The following TTC7B variants were observed in gnomAD, a reference collection of about 807,000 sequenced individuals.
TTC7B encodes the protein tetratricopeptide repeat protein 7B.
In TTC7B, 28 loss-of-function variants were observed where a neutral mutation model predicts 106.8. The ratio of observed to expected loss-of-function variants is 0.26; its 90% CI spans 0.19 to 0.36. The LOEUF (loss-of-function observed/expected upper bound fraction) is 0.36, where lower values mean the gene tolerates loss of function less well. Among genes scored for constraint, TTC7B ranks in the 10% least tolerant of loss-of-function variants. The pLI is 1.00. For missense variants in TTC7B, 862 were observed against 1,076.4 expected, an observed-to-expected ratio of 0.80 and a Z score of 2.79; for synonymous variants, 405 against 430.6, an observed-to-expected ratio of 0.94 and a Z score of 0.74.
At chr14:90,814,776 G>T (rs527528983) in intron 1 of TTC7B, among the ~76,000 whole-genome samples, 1 of 152,248 alleles carries the variant, frequency 6.6e-6, no homozygotes, top group African/African-American at 2.4e-5. Flanking sequence ...TGCCTCTGGG[G>T]CCCAGGGCAC....
intron 5 of TTC7B, among the ~76,000 whole-genome samples, chr14:90,704,715 G>A (rs760735312): frequency 3.9e-5 from 6 of 152,210 alleles, no homozygotes; most frequent in East Asian, 1.9e-4. Context: ...ATGCTGAGGC[G>A]TCTGAGCTTC....
intron 18 of TTC7B, among the ~76,000 whole-genome samples, chr14:90,587,162 G>C (rs1595181564): frequency 6.6e-6 from 1 of 152,126 alleles, no homozygotes. Context: ...TTTTTCCGGA[G>C]AGGGGTCTTG....
chr14:90,589,822 G>T (rs1891876980), intron 18 of TTC7B, among the ~76,000 whole-genome samples: 1 of 152,170 alleles, frequency 6.6e-6, no homozygotes, highest in African/African-American at 2.4e-5. Context: ...AGTCAACATG[G>T]CACAAATTGC....
chr14:90,565,325 T>C (rs1341689287), intron 19 of TTC7B, among the ~76,000 whole-genome samples: 1 of 151,930 alleles, frequency 6.6e-6, no homozygotes, highest in Non-Finnish European at 1.5e-5. Context: ...CTTGGCTAAC[T>C]GGTGCAAGAG....
In TTC7B at chr14:90,689,593, T is replaced by C. The variant is rs1251707876; in HGVS notation, c.897A>G (p.Ala299=). The part of the protein sequence containing the change: ...SPLDDPLRKG[A]NTKTYTLTRR... Reference sequence around the variant, plus strand: ...GAGTGAGAGTGTAGGTTTTTGTGTTTGCTCCTTTGCGGAGAGGATCGTCCA... The same window carrying C: ...GAGTGAGAGTGTAGGTTTTTGTGTTCGCTCCTTTGCGGAGAGGATCGTCCA... Residue 299 remains alanine, a synonymous_variant, in exon 7 of 20, where the codon GCA becomes GCG. Transcript: ENST00000328459. 6.2e-7 allele frequency: 1 copy of C among 1,614,054 alleles called. No individual in the cohort carries two copies. Among genetic ancestry groups the C allele is most frequent in the Non-Finnish European group, 8.5e-7 (1 of 1,180,014 alleles).
intron 2 of TTC7B, 40 bp from the exon 3 acceptor site, chr14:90,780,946 A>G: frequency 6.3e-7 from 1 of 1,591,638 alleles, no homozygotes; most frequent in Non-Finnish European, 8.6e-7. Context: ...TTTTCCTACA[A>G]TATCAGGCAT....
At chr14:90,543,842 T>TCA (rs1482558361) in intron 19 of TTC7B, among the ~76,000 whole-genome samples, 3 of 152,224 alleles carry the variant, frequency 2.0e-5, no homozygotes, top group African/African-American at 7.2e-5. Flanking sequence ...CCCAGCCTGC[T>TCA]CACAGGCCCC....
intron 3 of TTC7B, 36 bp from the exon 4 acceptor site, chr14:90,744,958 T>G (rs1486676218): frequency 6.8e-6 from 11 of 1,609,606 alleles, no homozygotes; most frequent in Non-Finnish European, 8.5e-6. Flanking sequence ...CTGAGTGAAT[T>G]TTTTTTCATA....
intron 15 of TTC7B, among the ~76,000 whole-genome samples, chr14:90,625,125 C>A (rs1006706068): frequency 6.6e-6 from 1 of 152,132 alleles, no homozygotes; most frequent in African/African-American, 2.4e-5. Context: ...CTGAAGGGGG[C>A]AGGGGGCAAG....
chr14:90,602,365 C>G lies in TTC7B; in HGVS notation c.1966+8377G>C, dbSNP rs569049415. 7.2e-5 allele frequency among the ~76,000 whole-genome samples: 11 copies of G among 152,336 alleles called. No individual in the cohort carries two copies. In the South Asian group the frequency reaches 2.3e-3, roughly 32 times the overall value. Reference sequence around the variant, plus strand: ...GAGAATCAGTGGTCTAAGAAACATCCTTTGGCAGATGTGACAAGTCACTAA... The same window carrying G: ...GAGAATCAGTGGTCTAAGAAACATCGTTTGGCAGATGTGACAAGTCACTAA... On this transcript the variant is annotated intron_variant, in intron 17 of 19. Coordinates refer to ENST00000328459, the MANE Select transcript of TTC7B (RefSeq NM_001010854.2).
chr14:90,700,483 C>T (rs1407258141), intron 5 of TTC7B, among the ~76,000 whole-genome samples: 3 of 151,984 alleles, frequency 2.0e-5, no homozygotes, highest in Non-Finnish European at 4.4e-5. Context: ...AACTGCCTTA[C>T]AGGGCCAGCC....
intron 16 of TTC7B, among the ~76,000 whole-genome samples, chr14:90,615,946 A>T (rs1458195874): frequency 2.6e-5 from 4 of 151,780 alleles, no homozygotes; most frequent in Non-Finnish European, 4.4e-5. Context: ...GGTCCTCCCC[A>T]CTCTGGCCCT....
At chr14:90,669,740 C>T (rs979950464) in intron 9 of TTC7B, among the ~76,000 whole-genome samples, 1 of 152,142 alleles carries the variant, frequency 6.6e-6, no homozygotes, top group Non-Finnish European at 1.5e-5. Context: ...TCACATCACA[C>T]CTACCAGAAT....
At chr14:90,622,741 C>A (rs1173343347) in intron 15 of TTC7B, among the ~76,000 whole-genome samples, 1 of 151,906 alleles carries the variant, frequency 6.6e-6, no homozygotes, top group Non-Finnish European at 1.5e-5. Flanking sequence ...CCCACTTCCC[C>A]CCAAAAGAAT....
At chr14:90,586,180 C>G (rs1032059189) in intron 18 of TTC7B, among the ~76,000 whole-genome samples, 4 of 152,198 alleles carry the variant, frequency 2.6e-5, no homozygotes, top group African/African-American at 9.7e-5. Context: ...CTTCCTGCCC[C>G]CCTGGCTGCC....
chr14:90,774,445 C>T (rs993101972), intron 3 of TTC7B, among the ~76,000 whole-genome samples: 1 of 152,220 alleles, frequency 6.6e-6, no homozygotes, highest in Non-Finnish European at 1.5e-5. Flanking sequence ...ACCGTTTACC[C>T]CTCTGCATAT....
In TTC7B at chr14:90,541,581, G is replaced by A; in HGVS notation, c.2319C>T (p.Ile773=). The change falls in exon 20 of 20, where the codon ATC becomes ATT. Residue 773 remains isoleucine, a synonymous_variant. Coordinates refer to ENST00000328459, the MANE Select transcript of TTC7B (RefSeq NM_001010854.2). ...GACTGTAGCGGCCTAGCTGGTGAAGGATCAGGGCCTGGAGAGGTCAGAGAG... is the reference window on the plus strand; with the variant it reads ...GACTGTAGCGGCCTAGCTGGTGAAGAATCAGGGCCTGGAGAGGTCAGAGAG... ...HVKSMQRLAL[I]LHQLGRYSLA... is the part of the protein sequence containing the mutation. 1 of 1,594,744 alleles carries A rather than the reference G, an allele frequency of 6.3e-7. No individual in the cohort carries two copies. Among genetic ancestry groups the A allele is most frequent in the Non-Finnish European group, 8.6e-7 (1 of 1,167,044 alleles).
rs556948966 is a variant in TTC7B at position 90,550,757 on chromosome 14, C to T, written c.2311-9168G>A. Among the ~76,000 whole-genome samples, 173 of 152,246 alleles carry T rather than the reference C, an allele frequency of 1.1e-3. 1 individual carries two copies. The highest frequency in any genetic ancestry group is 3.9e-3 in the African/African-American group (162 of 41,552). On this transcript the variant is annotated intron_variant, in intron 19 of 19. Transcript: ENST00000328459. ...CCACCATGATTTGTCTTTGCATGTA[C>T]GGCACCTGGAGTGGGCCTGGTACAG...
intron 15 of TTC7B, among the ~76,000 whole-genome samples, chr14:90,618,349 C>A (rs949299745): frequency 6.6e-6 from 1 of 152,222 alleles, no homozygotes; most frequent in African/African-American, 2.4e-5. Flanking sequence ...CTTTTTAGAA[C>A]CAAACCAATT....
Sources: allele counts gnomAD v4.1 joint callset (sites outside exome capture counted in the v4.1 genomes callset), GRCh38; gene constraint gnomAD v4.1.1; transcripts MANE v1.5; gene names NCBI Gene and HGNC (gene_info 2026-07-23, HGNC 2026-07-21).